The following DMD variants were observed in gnomAD, a reference collection of about 807,000 sequenced individuals.
The protein encoded by DMD is dystrophin.
In DMD, 63 loss-of-function variants were observed where a neutral mutation model predicts 330.1. That is an observed-to-expected ratio of 0.19 (90% CI 0.16 to 0.24). DMD has a LOEUF of 0.24. DMD is among the 10% of genes least tolerant of loss of function. The pLI is 1.00. For missense variants in DMD, 3,344 were observed against 2,684.1 expected (o/e 1.25, Z -5.43); for synonymous variants, 1,223 against 959.8 (o/e 1.27, Z -5.07).
At chrX:32,949,195 A>C (rs2146906902) in intron 2 of DMD, among the ~76,000 whole-genome samples, 1 of 109,748 alleles carries the variant, frequency 9.1e-6, no homozygotes, top group East Asian at 2.9e-4. Context: ...TATGTGAAGT[A>C]AAACAGTATT....
At position 32,389,601 on chromosome X, in the gene DMD, T is replaced by G. The variant is rs1369946912; in HGVS notation, c.4418A>C (p.Glu1473Ala). Residue 1473 changes from glutamate to alanine, a missense_variant, in exon 32 of 79, where the codon GAA becomes GCA. Transcript: ENST00000357033. ...KPANFEQRLQESKMILDEVKM... is the reference protein window; with the variant it reads ...KPANFEQRLQASKMILDEVKM... Reference sequence around the variant, plus strand: ...CACTTCATCTAAAATCATCTTACTTTCTTGTAGACGCTGCTCAAAATTGGC... The same window carrying G: ...CACTTCATCTAAAATCATCTTACTTGCTTGTAGACGCTGCTCAAAATTGGC... The G allele has an allele frequency of 8.3e-7, 1 of 1,209,083 alleles. No homozygotes were observed. Among genetic ancestry groups the G allele is most frequent in the Non-Finnish European group, 1.1e-6 (1 of 894,675 alleles).
At chrX:32,523,474 G>A (rs1263689386) in intron 17 of DMD, among the ~76,000 whole-genome samples, 2 of 112,252 alleles carry the variant, frequency 1.8e-5, no homozygotes, top group Non-Finnish European at 3.8e-5. Flanking sequence ...TTTGATAGTA[G>A]ATCATAAGAC....
intron 27 of DMD, 60 bp from the exon 28 acceptor site, chrX:32,441,374 T>C (rs1603633548): frequency 1.8e-6 from 2 of 1,121,603 alleles, no homozygotes; most frequent in Admixed American, 4.5e-5. Context: ...ATGTGAAATT[T>C]TGCCATTTCA....
intron 9 of DMD, among the ~76,000 whole-genome samples, chrX:32,679,977 C>A (rs1008519963): frequency 1.2e-5 from 1 of 86,230 alleles, no homozygotes. Flanking sequence ...TGCAGTGGCG[C>A]GATCTCGGCT....
chrX:33,254,768 G>T (rs1187824027), intron 1 of DMD, among the ~76,000 whole-genome samples: 4 of 109,916 alleles, frequency 3.6e-5, no homozygotes, highest in African/African-American at 1.3e-4. Flanking sequence ...GAACAAAGGT[G>T]GTTTTGGATA....
At chrX:32,997,269 G>T (rs1218632156) in intron 2 of DMD, among the ~76,000 whole-genome samples, 2 of 107,233 alleles carry the variant, frequency 1.9e-5, no homozygotes, top group African/African-American at 6.8e-5. Flanking sequence ...TTTTGAGATG[G>T]AGTCTCGCCC....
chrX:32,827,064 C>CCCCA (rs1263136643), intron 4 of DMD, among the ~76,000 whole-genome samples: 1 of 66,173 alleles, frequency 1.5e-5, no homozygotes, highest in African/African-American at 6.3e-5. Context: ...GCACCCCCCC[C>CCCCA]CCACACACAC....
In DMD at chrX:31,929,628, T is replaced by G; in HGVS notation, c.6880A>C (p.Lys2294Gln). 2.5e-6 allele frequency: 3 copies of G among 1,211,527 alleles called. No homozygotes were observed. The highest frequency in any genetic ancestry group is 3.4e-6 in the Non-Finnish European group (3 of 895,426). ...CACTGGAGATTTGTCTGCTTGAGCT[T>G]ATTTTCAAGTTTATCTTGCTCTTCT... ...SPEEQDKLENKLKQTNLQWIK... is the reference protein window; with the variant it reads ...SPEEQDKLENQLKQTNLQWIK... Residue 2294 changes from lysine to glutamine, a missense_variant, in exon 47 of 79, where the codon AAG becomes CAG. Physicochemically the swap from Lys to Gln is moderately conservative, Grantham distance 53. Coordinates refer to ENST00000357033, the MANE Select transcript of DMD (RefSeq NM_004006.3).
At chrX:33,033,729 G>A (rs2094157777) in intron 1 of DMD, among the ~76,000 whole-genome samples, 1 of 109,210 alleles carries the variant, frequency 9.2e-6, no homozygotes, top group Non-Finnish European at 1.9e-5. Context: ...AAAAAAAAAA[G>A]CTCTCATACT....
chrX:31,589,954 G>C (rs1212442025), intron 55 of DMD, among the ~76,000 whole-genome samples: 2 of 111,209 alleles, frequency 1.8e-5, no homozygotes, highest in East Asian at 5.6e-4. Flanking sequence ...ATAATTGTCA[G>C]AGTTTGTAAA....
chrX:32,135,427 G>T (rs1024101494), intron 44 of DMD, among the ~76,000 whole-genome samples: 1 of 112,613 alleles, frequency 8.9e-6, no homozygotes, highest in African/African-American at 3.2e-5. Context: ...TCTTTTATTA[G>T]CTATTTAATG....
intron 23 of DMD, among the ~76,000 whole-genome samples, chrX:32,465,582 G>GTTTTTTTT (rs1191063866): frequency 1.2e-3 from 93 of 76,623 alleles, no homozygotes; most frequent in Non-Finnish European, 1.5e-3. Flanking sequence ...TTTGTTTTTT[G>GTTTTTTTT]TTTTTTTTTT....
intron 19 of DMD, among the ~76,000 whole-genome samples, chrX:32,493,564 T>C (rs1267307191): frequency 9.0e-6 from 1 of 111,673 alleles, no homozygotes; most frequent in Non-Finnish European, 1.9e-5. Context: ...TGATCAAAAA[T>C]TGTACCAAAA....
intron 55 of DMD, among the ~76,000 whole-genome samples, chrX:31,626,669 A>G (rs972193316): frequency 8.9e-6 from 1 of 111,818 alleles, no homozygotes; most frequent in Non-Finnish European, 1.9e-5. Flanking sequence ...TATCATATCA[A>G]AAAAGAAAAA....
At chrX:32,436,849 G>A (rs1052856943) in intron 29 of DMD, among the ~76,000 whole-genome samples, 4 of 109,850 alleles carry the variant, frequency 3.6e-5, no homozygotes, top group Non-Finnish European at 5.7e-5. Flanking sequence ...CTACTCAGGA[G>A]GCTGAGGTGG....
At chrX:31,799,895 T>C (rs897800395) in intron 50 of DMD, among the ~76,000 whole-genome samples, 1 of 112,338 alleles carries the variant, frequency 8.9e-6, no homozygotes, top group African/African-American at 3.2e-5. Context: ...AGGGCAGTCA[T>C]TACACTTTGA....
intron 47 of DMD, among the ~76,000 whole-genome samples, chrX:31,901,312 T>G (rs1480669020): frequency 9.0e-6 from 1 of 111,672 alleles, no homozygotes; most frequent in African/African-American, 3.3e-5. Flanking sequence ...CTTGCTCTAT[T>G]CAGGAGGAAT....
chrX:31,613,021 T>C (rs772547169), intron 55 of DMD, among the ~76,000 whole-genome samples: 55 of 112,204 alleles, frequency 4.9e-4, no homozygotes, highest in Non-Finnish European at 9.4e-4. Context: ...ATTTTCCAGG[T>C]AGACAAGGAG....
At chrX:32,335,440 G>C (rs528724937) in intron 41 of DMD, among the ~76,000 whole-genome samples, 1 of 102,629 alleles carries the variant, frequency 9.7e-6, no homozygotes, top group South Asian at 4.1e-4. Context: ...GTTATATATG[G>C]ATGTATATAT....
Sources: gnomAD v4.1 joint callset for allele counts (sites outside exome capture counted in the v4.1 genomes callset) on GRCh38, gnomAD v4.1.1 for gene constraint, MANE v1.5 for transcripts, NCBI Gene and HGNC (gene_info 2026-07-23, HGNC 2026-07-21) for gene names.